Variants in C1orf87 observed in about 807,000 individuals in gnomAD.
C1orf87 encodes the protein uncharacterized protein C1orf87.
Under a neutral mutation model 60.5 loss-of-function variants are expected in C1orf87, and 58 were observed. The observed-to-expected ratio is 0.96, with a 90% CI of 0.78 to 1.19. The LOEUF is 1.19. Among genes scored for constraint, C1orf87 ranks in the 50% most tolerant of loss-of-function variants. The pLI is 0.00. For missense variants in C1orf87, 673 were observed against 638.6 expected, an observed-to-expected ratio of 1.05 and a Z score of -0.58; for synonymous variants, 236 against 227.4, an observed-to-expected ratio of 1.04 and a Z score of -0.34.
intron 5 of C1orf87, among the ~76,000 whole-genome samples, chr1:60,039,245 A>G (rs1056870016): frequency 2.6e-5 from 4 of 152,124 alleles, no homozygotes; most frequent in Admixed American, 2.6e-4. Flanking sequence ...TGCTATTGAT[A>G]CATGCTCACT....
At chr1:60,072,484 T>A (rs906643903) in intron 2 of C1orf87, 53 bp downstream of exon 2, 1 of 1,390,258 alleles carries the variant, frequency 7.2e-7, no homozygotes, top group African/African-American at 1.4e-5. Context: ...AACAAAACAA[T>A]AAAACTTCAT....
In C1orf87 at chr1:60,072,696, T is replaced by C. The variant is rs187745966; in HGVS notation, c.-27-26A>G. ...CTAGGGGTGAAAATAAGTAAATTGT[T>C]CCTCTTGATTTTCCATTAGGGAACT... is the stretch of plus-strand genomic sequence containing the variant. On this transcript the variant is annotated intron_variant, in intron 1 of 11. Coordinates refer to ENST00000371201, the MANE Select transcript of C1orf87 (RefSeq NM_152377.3). 3.5e-3 allele frequency: 4,482 copies of C among 1,283,640 alleles called. 22 individuals carry two copies. The highest frequency in any genetic ancestry group is 4.2e-3 in the Non-Finnish European group (3,824 of 907,802). The allele number at this position is 1,283,640 out of a possible 1,614,324, so 79.5% of individuals were successfully genotyped here. A position where few individuals can be genotyped will look rare whatever the true frequency, so the allele number is the denominator to read the frequency against.
At chr1:60,015,279 C>A (rs538618549) in intron 8 of C1orf87, among the ~76,000 whole-genome samples, 1 of 152,132 alleles carries the variant, frequency 6.6e-6, no homozygotes, top group African/African-American at 2.4e-5. Flanking sequence ...TAGGAGGTCA[C>A]AGTGAAAAAA....
At chr1:60,011,874 C>T (rs977698691) in intron 8 of C1orf87, among the ~76,000 whole-genome samples, 11 of 151,986 alleles carry the variant, frequency 7.2e-5, no homozygotes, top group Admixed American at 5.3e-4. Context: ...ATGTGACCTC[C>T]AGAGTTTCAT....
chr1:60,029,231 G>C (rs1645219627), intron 7 of C1orf87, among the ~76,000 whole-genome samples: 1 of 152,054 alleles, frequency 6.6e-6, no homozygotes, highest in African/African-American at 2.4e-5. Flanking sequence ...ATCAAGACTT[G>C]CTTTTCTACC....
chr1:60,036,741 A>G (rs1327234255), intron 6 of C1orf87, among the ~76,000 whole-genome samples: 1 of 152,204 alleles, frequency 6.6e-6, no homozygotes, highest in Non-Finnish European at 1.5e-5. Context: ...CTTTTTTGGC[A>G]AACATGAAAA....
At chr1:60,060,096 T>TTC in intron 2 of C1orf87, among the ~76,000 whole-genome samples, 1 of 150,968 alleles carries the variant, frequency 6.6e-6, no homozygotes, top group Non-Finnish European at 1.5e-5. Context: ...TTTTCTTTTT[T>TTC]TTTTTTTATG....
intron 7 of C1orf87, among the ~76,000 whole-genome samples, chr1:60,028,724 A>C (rs1211152512): frequency 6.6e-6 from 1 of 152,156 alleles, no homozygotes; most frequent in Non-Finnish European, 1.5e-5. Context: ...AGTTACTAGG[A>C]ACCTCCGTGG....
chr1:60,049,848 T>A lies in C1orf87; in HGVS notation c.342+5356A>T, dbSNP rs532299959. Among the ~76,000 whole-genome samples the A allele has an allele frequency of 2.6e-5, 4 of 152,260 alleles. No individual in the cohort carries two copies. In the South Asian group the frequency reaches 8.3e-4, roughly 32 times the overall value. On this transcript the variant is annotated intron_variant, in intron 3 of 11. Transcript: ENST00000371201. ...CTATAGCTATCCAATAATGTGTCAC[T>A]GATTAAAATGTCCATCTGTTTCTTA...
chr1:59,998,011 T>C (rs928345173), intron 10 of C1orf87, among the ~76,000 whole-genome samples, 195 bp from the exon 11 acceptor site: 1 of 152,154 alleles, frequency 6.6e-6, no homozygotes, highest in Non-Finnish European at 1.5e-5. Flanking sequence ...ACATGTGAAG[T>C]GTGTGTGTCT....
chr1:60,053,876 T>G (rs1183922569), intron 3 of C1orf87, among the ~76,000 whole-genome samples: 1 of 152,202 alleles, frequency 6.6e-6, no homozygotes, highest in Non-Finnish European at 1.5e-5. Flanking sequence ...GAGTGTTAGT[T>G]TTATCATCTA....
chr1:59,992,995 C>A (rs1158573859), intron 11 of C1orf87, among the ~76,000 whole-genome samples: 1 of 152,152 alleles, frequency 6.6e-6, no homozygotes, highest in Non-Finnish European at 1.5e-5. Context: ...TGCTCTCAGT[C>A]CTGTCTAGCT....
chr1:60,070,828 G>A (rs1321924149), intron 2 of C1orf87, among the ~76,000 whole-genome samples: 21 of 152,068 alleles, frequency 1.4e-4, no homozygotes. Flanking sequence ...ATAAGATAAA[G>A]CTAACTTTTC....
At chr1:60,010,842 T>C (rs1645078555) in intron 8 of C1orf87, 1 of 151,900 alleles carries the variant, frequency 6.6e-6, no homozygotes, top group African/African-American at 2.4e-5. Flanking sequence ...AAAAAACACT[T>C]GCCAGTTTCT....
intron 9 of C1orf87, among the ~76,000 whole-genome samples, chr1:60,005,663 CTG>C (rs1285659672): frequency 1.3e-5 from 2 of 152,070 alleles, no homozygotes; most frequent in Non-Finnish European, 2.9e-5. Context: ...CAAGCAATAA[CTG>C]AGAGCAGAGC....
intron 11 of C1orf87, among the ~76,000 whole-genome samples, chr1:59,995,259 A>G (rs141773111): frequency 1.2e-4 from 18 of 152,228 alleles, no homozygotes; most frequent in African/African-American, 3.4e-4. Context: ...ATGTTTTGTT[A>G]TTGCTTGTAA....
In C1orf87 at chr1:59,990,804, G is replaced by A. The variant is rs1289082928; in HGVS notation, c.1510C>T (p.Leu504Phe). Residue 504 changes from leucine to phenylalanine, a missense_variant, in exon 12 of 12, where the codon CTC becomes TTC. By Grantham distance (22) the Leu-to-Phe change is conservative. Transcript: ENST00000371201. ...TAAATGAGATTGTAGTTGTGAATGA[G>A]GCGTCTGGCTCGTTCCTTCTCCAGA... ...GVLEKERARRLIHNYNLIYNL... is the reference protein window; with the variant it reads ...GVLEKERARRFIHNYNLIYNL... 1.2e-6 allele frequency: 2 copies of A among 1,614,054 alleles called. No homozygotes were observed. Among genetic ancestry groups the A allele is most frequent in the Non-Finnish European group, 1.7e-6 (2 of 1,179,946 alleles).
chr1:60,049,010 T>G (rs1201705557), intron 3 of C1orf87, among the ~76,000 whole-genome samples: 1 of 152,066 alleles, frequency 6.6e-6, no homozygotes, highest in African/African-American at 2.4e-5. Flanking sequence ...TTGTTTATAA[T>G]TTTTTGGTGT....
intron 3 of C1orf87, 82 bp from the exon 4 acceptor site, chr1:60,041,213 T>A: frequency 8.2e-7 from 1 of 1,221,376 alleles, no homozygotes; most frequent in Non-Finnish European, 1.1e-6. Context: ...AGAAAATGAG[T>A]AAACCAACCA....
Sources: allele counts gnomAD v4.1 joint callset (sites outside exome capture counted in the v4.1 genomes callset), GRCh38; gene constraint gnomAD v4.1.1; transcripts MANE v1.5; gene names NCBI Gene and HGNC (gene_info 2026-07-23, HGNC 2026-07-21).